CSNK1D: variants seen among roughly 807,000 people sequenced by gnomAD.
CSNK1D encodes the protein casein kinase 1 delta.
A neutral mutation model predicts 46.6 loss-of-function variants in CSNK1D; 16 were observed. The observed-to-expected ratio is 0.34, with a 90% CI of 0.23 to 0.52. CSNK1D has a LOEUF of 0.52. Ranked by LOEUF, CSNK1D falls within the 20% of genes least tolerant of loss-of-function variation. The pLI is 0.95. For synonymous variants in CSNK1D, 276 were observed against 228.2 expected, an observed-to-expected ratio of 1.21 and a Z score of -1.89; for missense variants, 398 against 578.4, an observed-to-expected ratio of 0.69 and a Z score of 3.20.
At position 82,248,792 on chromosome 17, in the gene CSNK1D, A is replaced by C. The variant is rs141714873; in HGVS notation, c.1197+83T>G. ...AAATGGGGGGAAGAAAGGAAAGAAG[A>C]AGCCCTGGAGAAACCACAGCCCGCT... On this transcript the variant is annotated intron_variant, in intron 8 of 8. Coordinates refer to ENST00000314028, the MANE Select transcript of CSNK1D (RefSeq NM_001893.6). This position sits in a 1 kb window ranked among gnomAD's most constrained non-coding sequence, Gnocchi z 4.1. The C allele has an allele frequency of 3.4e-3, 5,287 of 1,545,806 alleles. 60 individuals carry two copies. The highest frequency in any genetic ancestry group is 0.026 in the South Asian group (2,179 of 84,864).
In CSNK1D at chr17:82,249,785, G is replaced by C. The variant is rs1009950004; in HGVS notation, c.886-183C>G. 4.7e-5 allele frequency: 68 copies of C among 1,456,108 alleles called. No homozygotes were observed. The highest frequency in any genetic ancestry group is 2.5e-4 in the Middle Eastern group (1 of 3,990). The allele number at this position is 1,456,108 out of a possible 1,614,324, so 90.2% of individuals were successfully genotyped here. A position where few individuals can be genotyped will look rare whatever the true frequency, so the allele number is the denominator to read the frequency against. On this transcript the variant is annotated intron_variant, in intron 6 of 8. Transcript: ENST00000314028. The surrounding 1 kb of genome is among the most constrained non-coding windows in gnomAD (Gnocchi z 6.7). ...GGATGACAGCATCATCCCCACAAGG[G>C]GTCAGAGCCAGGCCTCTCAGCTCCC...
chr17:82,270,221 C>T (rs1211478041), intron 1 of CSNK1D, among the ~76,000 whole-genome samples: 1 of 152,200 alleles, frequency 6.6e-6, no homozygotes, highest in Non-Finnish European at 1.5e-5. Flanking sequence ...TTTTGGAACA[C>T]GACAACCTGG....
chr17:82,273,600 C>T lies in CSNK1D; in HGVS notation c.-219G>A, dbSNP rs2051700367. ...AGCGCCGCCGCCGCTGCTCCGGCCC[C>T]TACCGGTCCCGCTTGCCCTCTCCCC... On this transcript the variant is annotated 5_prime_UTR_variant, in exon 1 of 9. Coordinates refer to ENST00000314028, the MANE Select transcript of CSNK1D (RefSeq NM_001893.6). This position sits in a 1 kb window ranked among gnomAD's most constrained non-coding sequence, Gnocchi z 5.1. 1.7e-6 allele frequency: 1 copy of T among 582,946 alleles called. No individual in the cohort carries two copies. The highest frequency in any genetic ancestry group is 3.1e-5 in the East Asian group (1 of 31,820). The allele number at this position is 582,946 out of a possible 1,614,324, so 36.1% of individuals were successfully genotyped here. A position where few individuals can be genotyped will look rare whatever the true frequency, so the allele number is the denominator to read the frequency against.
chr17:82,269,020 C>G (rs1161082746), intron 1 of CSNK1D, among the ~76,000 whole-genome samples: 4 of 151,394 alleles, frequency 2.6e-5, no homozygotes, highest in Admixed American at 2.0e-4. Flanking sequence ...CTGCTTGAAC[C>G]CAGAAGGCAG....
In CSNK1D at chr17:82,263,707, T is replaced by C. The variant is rs138276194; in HGVS notation, c.187+1979A>G. Among the ~76,000 whole-genome samples the C allele has an allele frequency of 3.3e-3, 505 of 152,348 alleles. 9 individuals are homozygous for C. Among genetic ancestry groups the C allele is most frequent in the Non-Finnish European group, 4.3e-3 (291 of 68,024 alleles). ...GCTTGCAAGTTCTCCTGGAGACATCTCTCGTAAAAACTTAAGGTGTTTTTA... is the reference window on the plus strand; with the variant it reads ...GCTTGCAAGTTCTCCTGGAGACATCCCTCGTAAAAACTTAAGGTGTTTTTA... On this transcript the variant is annotated intron_variant, in intron 2 of 8. Transcript: ENST00000314028.
In CSNK1D at chr17:82,255,625, G is replaced by A; in HGVS notation, c.188-48C>T. 6.2e-7 allele frequency: 1 copy of A among 1,610,080 alleles called. No homozygotes were observed. The highest frequency in any genetic ancestry group is 2.2e-5 in the East Asian group (1 of 44,860). On this transcript the variant is annotated intron_variant, in intron 2 of 8. Coordinates refer to ENST00000314028, the MANE Select transcript of CSNK1D (RefSeq NM_001893.6). The surrounding 1 kb of genome is among the most constrained non-coding windows in gnomAD (Gnocchi z 5.9). ...GTGTTTCAGTCCAGGCCCTGCCTCA[G>A]CTCCACACTAAGTCTGCACTGTGCA...
At position 82,250,980 on chromosome 17, in the gene CSNK1D, A is replaced by G; in HGVS notation, c.885+399T>C. The G allele has an allele frequency of 3.1e-6, 1 of 319,848 alleles. No individual in the cohort carries two copies. Among genetic ancestry groups the G allele is most frequent in the South Asian group, 2.7e-5 (1 of 37,582 alleles). 19.8% of individuals were successfully genotyped at this position (319,848 alleles called of 1,614,324 possible). On this transcript the variant is annotated intron_variant, in intron 6 of 8. Coordinates refer to ENST00000314028, the MANE Select transcript of CSNK1D (RefSeq NM_001893.6). The surrounding 1 kb of genome is among the most constrained non-coding windows in gnomAD (Gnocchi z 4.6). ...ACAGGGTCAGTCAGGCTAGACGGGT[A>G]GCACCTCACCAGGCCCCAACCCCAC...
At chr17:82,263,304 G>A (rs1173320291) in intron 2 of CSNK1D, among the ~76,000 whole-genome samples, 1 of 152,248 alleles carries the variant, frequency 6.6e-6, no homozygotes, top group African/African-American at 2.4e-5. Context: ...ACATGGCAAT[G>A]CGCTCGAAGC....
rs1455437125 is a variant in CSNK1D at position 82,252,639 on chromosome 17, C to T, written c.566-35G>A. Reference sequence around the variant, plus strand: ...AAAGGGAAAGGCGTGAAGAACGGCACTTGCGTGCTCACGTCAAAGCAAAAG... The same window carrying T: ...AAAGGGAAAGGCGTGAAGAACGGCATTTGCGTGCTCACGTCAAAGCAAAAG... On this transcript the variant is annotated intron_variant, in intron 4 of 8. Transcript: ENST00000314028. This position sits in a 1 kb window ranked among gnomAD's most constrained non-coding sequence, Gnocchi z 4.6. 6.2e-7 allele frequency: 1 copy of T among 1,604,364 alleles called. No homozygotes were observed. Among genetic ancestry groups the T allele is most frequent in the Non-Finnish European group, 8.5e-7 (1 of 1,176,518 alleles).
At position 82,273,477 on chromosome 17, in the gene CSNK1D, C is replaced by T; in HGVS notation, c.-96G>A. The T allele has an allele frequency of 6.9e-7, 1 of 1,458,014 alleles. No individual in the cohort carries two copies. The highest frequency in any genetic ancestry group is 9.4e-7 in the Non-Finnish European group (1 of 1,065,752). 90.3% of individuals were successfully genotyped at this position (1,458,014 alleles called of 1,614,324 possible). A position where few individuals can be genotyped will look rare whatever the true frequency, so the allele number is the denominator to read the frequency against. ...GCTGCTGCCGCTACTGCGGGTCCGG[C>T]TCCCGGCTCCGCCCCCCTCACGGCC... On this transcript the variant is annotated 5_prime_UTR_variant, in exon 1 of 9. Transcript: ENST00000314028. This position sits in a 1 kb window ranked among gnomAD's most constrained non-coding sequence, Gnocchi z 5.1.
At chr17:82,258,123 C>G (rs2051227007) in intron 2 of CSNK1D, among the ~76,000 whole-genome samples, 1 of 149,050 alleles carries the variant, frequency 6.7e-6, no homozygotes, top group Non-Finnish European at 1.5e-5. Context: ...GGGAGGATGG[C>G]TTAGGCCCAG....
chr17:82,251,852 A>G lies in CSNK1D; in HGVS notation c.737-325T>C. 1 of 358,920 alleles carries G rather than the reference A, an allele frequency of 2.8e-6. No individual in the cohort carries two copies. The highest frequency in any genetic ancestry group is 7.0e-5 in the East Asian group (1 of 14,228). 22.2% of individuals were successfully genotyped at this position (358,920 alleles called of 1,614,324 possible). On this transcript the variant is annotated intron_variant, in intron 5 of 8. Transcript: ENST00000314028. This position sits in a 1 kb window ranked among gnomAD's most constrained non-coding sequence, Gnocchi z 4.5. ...GAAAAAAAAAAAAAAAAAGTTCTAG[A>G]GCGTGGTGGCGGGCGCCTGTAGTCC...
Position 82,272,748 on chromosome 17 carries a change from A to G in CSNK1D, c.76+558T>C, listed in dbSNP as rs113250394. ...ACATTTTCCCCCACGAATGCAAGACACCGGGGCAGCCTCTGAGGGGGCAGC... is the reference window on the plus strand; with the variant it reads ...ACATTTTCCCCCACGAATGCAAGACGCCGGGGCAGCCTCTGAGGGGGCAGC... On this transcript the variant is annotated intron_variant, in intron 1 of 8. Coordinates refer to ENST00000314028, the MANE Select transcript of CSNK1D (RefSeq NM_001893.6). Among the ~76,000 whole-genome samples the G allele has an allele frequency of 8.3e-3, 1,257 of 152,288 alleles. 13 individuals carry two copies. The highest frequency in any genetic ancestry group is 0.029 in the South Asian group (141 of 4,828).
Position 82,243,413 on chromosome 17 carries a change from G to A in CSNK1D, c.*1368C>T, listed in dbSNP as rs2050775256. The A allele has an allele frequency of 3.0e-6, 3 of 985,560 alleles. No homozygotes were observed. Among genetic ancestry groups the A allele is most frequent in the Non-Finnish European group, 3.6e-6 (3 of 829,986 alleles). The allele number at this position is 985,560 out of a possible 1,614,324, so 61.1% of individuals were successfully genotyped here. ...CACTGGCTACCGCCCAAGTGCTGCG[G>A]AGTGAGAGGCGAGAAGGCATCCTGG... On this transcript the variant is annotated 3_prime_UTR_variant, in exon 9 of 9. Coordinates refer to ENST00000314028, the MANE Select transcript of CSNK1D (RefSeq NM_001893.6).
intron 1 of CSNK1D, among the ~76,000 whole-genome samples, chr17:82,269,551 G>A (rs1167789715): frequency 6.6e-6 from 1 of 152,220 alleles, no homozygotes. Flanking sequence ...CCCAAAAGAT[G>A]CTTGTGCACA....
chr17:82,240,251 T>G (rs1447962613), downstream of CSNK1D, among the ~76,000 whole-genome samples: 1 of 152,044 alleles, frequency 6.6e-6, no homozygotes, highest in Non-Finnish European at 1.5e-5. Flanking sequence ...AAGGTCAGAC[T>G]CTGCACAGCT....
intron 1 of CSNK1D, chr17:82,266,882 A>C (rs528361205): frequency 1.3e-5 from 2 of 152,136 alleles, no homozygotes; most frequent in South Asian, 2.1e-4. Flanking sequence ...AACACGGTGA[A>C]ACCCCATCTC....
In CSNK1D at chr17:82,244,634, C is replaced by T. The variant is rs2050803516; in HGVS notation, c.*147G>A. 6.5e-7 allele frequency: 1 copy of T among 1,540,000 alleles called. No homozygotes were observed. Among genetic ancestry groups the T allele is most frequent in the South Asian group, 1.2e-5 (1 of 84,064 alleles). On this transcript the variant is annotated 3_prime_UTR_variant, in exon 9 of 9. Transcript: ENST00000314028. The stretch of plus-strand genomic sequence containing the variant: ...AGTCTGTCCGTTTAGTATGTTTCCC[C>T]CACGAGCGTCGCTGGGTGAGTGGCC...
Position 82,248,429 on chromosome 17 carries a change from C to A in CSNK1D, c.1197+446G>T. 2 of 1,018,868 alleles carry A rather than the reference C, an allele frequency of 2.0e-6. No homozygotes were observed. The highest frequency in any genetic ancestry group is 2.4e-6 in the Non-Finnish European group (2 of 848,266). The allele number at this position is 1,018,868 out of a possible 1,614,324, so 63.1% of individuals were successfully genotyped here. A position where few individuals can be genotyped will look rare whatever the true frequency, so the allele number is the denominator to read the frequency against. ...TGCAGGGCATGCCACCAGGGAGGGTCTCACAAGAAGCCCGTGGAGGTCCCT... is the reference window on the plus strand; with the variant it reads ...TGCAGGGCATGCCACCAGGGAGGGTATCACAAGAAGCCCGTGGAGGTCCCT... On this transcript the variant is annotated intron_variant, in intron 8 of 8. Transcript: ENST00000314028. This position sits in a 1 kb window ranked among gnomAD's most constrained non-coding sequence, Gnocchi z 4.1.
Sources: allele counts gnomAD v4.1 joint callset (sites outside exome capture counted in the v4.1 genomes callset), GRCh38; gene constraint gnomAD v4.1.1; non-coding constraint Gnocchi (gnomAD v3.1); transcripts MANE v1.5; gene names NCBI Gene and HGNC (gene_info 2026-07-23, HGNC 2026-07-21).